Variants in SDC3 observed in about 807,000 individuals in gnomAD.
The protein encoded by SDC3 is syndecan 3.
SDC3 carries 13 observed loss-of-function variants against 24.4 expected under a neutral mutation model. The observed-to-expected ratio is 0.53, with a 90% CI of 0.35 to 0.85. SDC3 has a LOEUF of 0.85. SDC3 is among the 40% of genes least tolerant of loss of function. The pLI, the probability that SDC3 is intolerant of heterozygous loss-of-function variation, is 0.01. For missense variants in SDC3, 571 were observed against 584.5 expected, an observed-to-expected ratio of 0.98 and a Z score of 0.24; for synonymous variants, 295 against 260.9, an observed-to-expected ratio of 1.13 and a Z score of -1.26.
At chr1:30,894,373 T>G (rs1259558450) in intron 1 of SDC3, among the ~76,000 whole-genome samples, 27 of 109,238 alleles carry the variant, frequency 2.5e-4, no homozygotes, top group Admixed American at 4.9e-4. Flanking sequence ...AGTGTGTGTG[T>G]GGGTGAGAGT....
At chr1:30,902,228 G>A (rs1391988075) in intron 1 of SDC3, among the ~76,000 whole-genome samples, 3 of 152,228 alleles carry the variant, frequency 2.0e-5, no homozygotes, top group Non-Finnish European at 4.4e-5. Context: ...GGTAAAAAAA[G>A]GGCCAGATCA....
chr1:30,895,381 G>A (rs996973949), intron 1 of SDC3, among the ~76,000 whole-genome samples: 2 of 152,188 alleles, frequency 1.3e-5, no homozygotes, highest in Non-Finnish European at 2.9e-5. Context: ...ATCTGAGATT[G>A]TCCCCACAAG....
Position 30,874,213 on chromosome 1 carries a change from T to C in SDC3, c.1162+84A>G. On this transcript the variant is annotated intron_variant, in intron 4 of 4. Coordinates refer to ENST00000339394, the MANE Select transcript of SDC3 (RefSeq NM_014654.4). ...ACCACGCCCTGATCTCCTTTCTGGG[T>C]TCCTAGAGGCAAACTGAGGCCCAGC... The C allele has an allele frequency of 2.6e-6, 3 of 1,165,058 alleles. No homozygotes were observed. In the South Asian group the frequency reaches 4.4e-5, roughly 17 times the overall value. 72.2% of individuals were successfully genotyped at this position (1,165,058 alleles called of 1,614,324 possible).
intron 1 of SDC3, among the ~76,000 whole-genome samples, chr1:30,890,142 C>T (rs1639884758): frequency 6.6e-6 from 1 of 152,146 alleles, no homozygotes; most frequent in African/African-American, 2.4e-5. Flanking sequence ...AAAACCCCAT[C>T]TCTACTAAAA....
intron 1 of SDC3, among the ~76,000 whole-genome samples, chr1:30,881,920 G>A (rs548204837): frequency 6.6e-6 from 1 of 152,260 alleles, no homozygotes; most frequent in South Asian, 2.1e-4. Context: ...GTGCCCCGCA[G>A]CTGCCCTCAC....
chr1:30,909,196 A>C (rs903137793), upstream of SDC3, among the ~76,000 whole-genome samples: 1 of 152,082 alleles, frequency 6.6e-6, no homozygotes, highest in Non-Finnish European at 1.5e-5. Flanking sequence ...TCACACACTC[A>C]GCCAGTCCAC....
rs1056563043 is a variant in SDC3 at position 30,869,765 on chromosome 1, C to A, written c.*3446G>T. The A allele has an allele frequency of 1.3e-5, 5 of 398,506 alleles. No individual in the cohort carries two copies. Among genetic ancestry groups the A allele is most frequent in the Admixed American group, 8.8e-5 (2 of 22,700 alleles). 24.7% of individuals were successfully genotyped at this position (398,506 alleles called of 1,614,324 possible). On this transcript the variant is annotated 3_prime_UTR_variant, in exon 5 of 5. Transcript: ENST00000339394. ...AAGGCCTGGGGGAGGGAATGGCAGA[C>A]CCCCACCCACCCCAGGCAGGTTCTG...
intron 1 of SDC3, among the ~76,000 whole-genome samples, chr1:30,902,988 GCA>G (rs1373346681): frequency 2.6e-5 from 4 of 152,194 alleles, no homozygotes; most frequent in African/African-American, 7.2e-5. Flanking sequence ...CCTGCACCAA[GCA>G]CAGAGTGGTC....
chr1:30,906,756 G>T (rs1330352204), intron 1 of SDC3, among the ~76,000 whole-genome samples: 1 of 152,208 alleles, frequency 6.6e-6, no homozygotes, highest in East Asian at 1.9e-4. Flanking sequence ...CGAATCGGCG[G>T]GGGTAGCAGG....
chr1:30,888,446 G>A (rs533927048), intron 1 of SDC3, among the ~76,000 whole-genome samples: 49 of 152,206 alleles, frequency 3.2e-4, no homozygotes, highest in Non-Finnish European at 5.1e-4. Context: ...GGGAACTGAA[G>A]AGAACCTGCT....
chr1:30,889,508 T>A (rs1639876684), intron 1 of SDC3, among the ~76,000 whole-genome samples: 1 of 152,212 alleles, frequency 6.6e-6, no homozygotes, highest in African/African-American at 2.4e-5. Flanking sequence ...TCTCTGAGCA[T>A]CTACTATGTG....
At position 30,871,976 on chromosome 1, in the gene SDC3, G is replaced by A. The variant is rs1006118771; in HGVS notation, c.*1235C>T. The A allele has an allele frequency of 1.3e-5, 2 of 152,308 alleles. No individual in the cohort carries two copies. Among genetic ancestry groups the A allele is most frequent in the African/African-American group, 4.8e-5 (2 of 41,470 alleles). The allele number at this position is 152,308 out of a possible 1,614,324, so 9.4% of individuals were successfully genotyped here. The stretch of plus-strand genomic sequence containing the variant: ...CCCACCTGCATGCAATGCCCTAAAA[G>A]GGCTGTGGCCCCACACTTTTTCCGA... On this transcript the variant is annotated 3_prime_UTR_variant, in exon 5 of 5. Transcript: ENST00000339394.
chr1:30,876,403 CT>C lies in SDC3; in HGVS notation c.870+148del, dbSNP rs1353066389. The C allele has an allele frequency of 6.8e-6, 4 of 585,642 alleles. No homozygotes were observed. The East Asian group carries it at 9.1e-5, about 13-fold the overall frequency. The allele number at this position is 585,642 out of a possible 1,614,324, so 36.3% of individuals were successfully genotyped here. ...TCCCTCTTCCCTCCCTATCCGATCT[CT>C]GTCCCTTGGTCCTGCCCCTCGCCCC... is the stretch of plus-strand genomic sequence containing the variant. On this transcript the variant is annotated intron_variant, in intron 3 of 4. Transcript: ENST00000339394.
chr1:30,876,874 A>G lies in SDC3; in HGVS notation c.548T>C (p.Val183Ala). The G allele has an allele frequency of 6.2e-7, 1 of 1,613,444 alleles. No individual in the cohort carries two copies. ...DPTVATVPAT[V>A]ATATPSTPAA... is the part of the protein sequence containing the mutation. ...AGGGGTGCTGGGGGTGGCGGTGGCC[A>G]CTGTGGCAGGCACTGTGGCCACAGT... Residue 183 changes from valine (V) to alanine (A), a missense_variant, in exon 3 of 5, where the codon GTG becomes GCG. By Grantham distance (64) the Val-to-Ala change is moderately conservative. Around this residue, in one of 2 missense-constraint regions of SDC3, gnomAD observed 497 missense variants for 471.6 expected, o/e 1.05. Transcript: ENST00000339394.
chr1:30,883,284 C>T (rs192076556), intron 1 of SDC3, among the ~76,000 whole-genome samples: 2 of 152,252 alleles, frequency 1.3e-5, no homozygotes, highest in South Asian at 2.1e-4. Context: ...GCCAGGAGCC[C>T]GGCACCCCTG....
At chr1:30,884,867 C>T (rs978973751) in intron 1 of SDC3, among the ~76,000 whole-genome samples, 1 of 152,124 alleles carries the variant, frequency 6.6e-6, no homozygotes, top group African/African-American at 2.4e-5. Flanking sequence ...CGACAGGGGA[C>T]GAGTTAAATA....
chr1:30,869,825 T>A lies in SDC3; in HGVS notation c.*3386A>T. On this transcript the variant is annotated 3_prime_UTR_variant, in exon 5 of 5. Transcript: ENST00000339394. ...AAGGACTCACAGGAGGGAGGGACAC[T>A]GTCTTCAGGGGGCTCTCTGGAGCCA... is the stretch of plus-strand genomic sequence containing the variant. 1 of 398,586 alleles carries A rather than the reference T, an allele frequency of 2.5e-6. No homozygotes were observed. The highest frequency in any genetic ancestry group is 4.4e-6 in the Non-Finnish European group (1 of 226,088). The allele number at this position is 398,586 out of a possible 1,614,324, so 24.7% of individuals were successfully genotyped here.
rs146793522 is a variant in SDC3, at chr1:30,877,072, G to A, written c.350C>T (p.Thr117Met). Residue 117 changes from threonine to methionine, a missense_variant, in exon 3 of 5, where the codon ACG (threonine) becomes ATG (methionine). Around this residue, in one of 2 missense-constraint regions of SDC3, gnomAD observed 497 missense variants for 471.6 expected, o/e 1.05. Coordinates refer to ENST00000339394, the MANE Select transcript of SDC3 (RefSeq NM_014654.4). Reference protein sequence around the residue: ...VSTTPAVLPTTNIQPVGTPFE... With the variant: ...VSTTPAVLPTMNIQPVGTPFE... ...TGGTGTGCCCACAGGCTGGATGTTC[G>A]TGGTGGGCAGCACCGCAGGTGTGGT... 229 of 1,613,840 alleles carry A rather than the reference G, an allele frequency of 1.4e-4. No homozygotes were observed. Among genetic ancestry groups the A allele is most frequent in the Non-Finnish European group, 1.6e-4 (187 of 1,179,978 alleles).
At chr1:30,881,893 G>A (rs1298425862) in intron 1 of SDC3, among the ~76,000 whole-genome samples, 1 of 152,110 alleles carries the variant, frequency 6.6e-6, no homozygotes. Flanking sequence ...CTTGTCCAGG[G>A]CTAAATTCAT....
Sources: allele counts gnomAD v4.1 joint callset (sites outside exome capture counted in the v4.1 genomes callset), GRCh38; gene constraint gnomAD v4.1.1; regional missense constraint gnomAD v4.1.1; transcripts MANE v1.5; gene names NCBI Gene and HGNC (gene_info 2026-07-23, HGNC 2026-07-21).